The following MGLL variants were observed in gnomAD, a reference collection of about 807,000 sequenced individuals.
MGLL encodes lysophospholipase homolog.
Under a neutral mutation model 29.1 loss-of-function variants are expected in MGLL, and 7 were observed. That is an observed-to-expected ratio of 0.24 (90% CI 0.14 to 0.45). The LOEUF is 0.45. Ranked by LOEUF, MGLL falls within the 20% of genes least tolerant of loss-of-function variation. The pLI, the probability that MGLL is intolerant of heterozygous loss-of-function variation, is 0.99. For synonymous variants in MGLL, 148 were observed against 168.3 expected, an observed-to-expected ratio of 0.88 and a Z score of 0.93; for missense variants, 356 against 413.6, an observed-to-expected ratio of 0.86 and a Z score of 1.21.
At chr3:127,734,253 T>C (rs1246783737) in intron 3 of MGLL, among the ~76,000 whole-genome samples, 1 of 152,186 alleles carries the variant, frequency 6.6e-6, no homozygotes, top group Non-Finnish European at 1.5e-5. Flanking sequence ...TGGATCCAGG[T>C]GCTAACCTGG....
chr3:127,798,051 TA>T (rs1198518070), intron 2 of MGLL, among the ~76,000 whole-genome samples: 3 of 152,182 alleles, frequency 2.0e-5, no homozygotes, highest in African/African-American at 4.8e-5. Flanking sequence ...ATATATGTAT[TA>T]AAAAGTACAA....
chr3:127,715,864 G>A (rs1037473996), intron 5 of MGLL: 9 of 455,224 alleles, frequency 2.0e-5, no homozygotes, highest in Non-Finnish European at 3.1e-5. Context: ...CAAAAAGGAC[G>A]TGGAATCCAA....
At chr3:127,818,586 G>T (rs1366109020) in intron 2 of MGLL, among the ~76,000 whole-genome samples, 2 of 152,144 alleles carry the variant, frequency 1.3e-5, no homozygotes, top group African/African-American at 4.8e-5. Flanking sequence ...CCTAGGAAAT[G>T]ATGTTTACCC....
intron 2 of MGLL, among the ~76,000 whole-genome samples, chr3:127,803,371 C>T (rs988966105): frequency 2.0e-5 from 3 of 152,186 alleles, no homozygotes; most frequent in Admixed American, 2.0e-4. Context: ...CCTGAAGGAA[C>T]AAGCAGTGGG....
intron 2 of MGLL, among the ~76,000 whole-genome samples, chr3:127,801,612 G>A (rs143957266): frequency 0.018 from 2,780 of 151,744 alleles, 84 homozygotes; most frequent in African/African-American, 0.063. Context: ...ACAAAACTCC[G>A]TCTCAAAAAT....
chr3:127,781,496 G>A (rs1010265568), intron 3 of MGLL, among the ~76,000 whole-genome samples: 1 of 152,208 alleles, frequency 6.6e-6, no homozygotes, highest in Non-Finnish European at 1.5e-5. Context: ...TTGAGAGAAA[G>A]CACTTTATAA....
intron 3 of MGLL, among the ~76,000 whole-genome samples, chr3:127,731,505 C>T (rs2076149334): frequency 1.3e-5 from 2 of 152,028 alleles, no homozygotes; most frequent in African/African-American, 4.8e-5. Context: ...AAAGACAGTC[C>T]CACCCCATCA....
intron 3 of MGLL, among the ~76,000 whole-genome samples, chr3:127,728,641 T>C (rs2076091020): frequency 6.6e-6 from 1 of 152,250 alleles, no homozygotes; most frequent in East Asian, 1.9e-4. Context: ...AACACTTGGA[T>C]TGTATCCAAG....
intron 7 of MGLL, 145 bp from the exon 8 acceptor site, chr3:127,692,468 T>C (rs2075266686): frequency 2.1e-6 from 2 of 941,954 alleles, no homozygotes; most frequent in East Asian, 2.6e-5. Context: ...CTCCCATTAT[T>C]AGGAGGCCAA....
intron 3 of MGLL, among the ~76,000 whole-genome samples, chr3:127,725,786 C>G (rs1054464044): frequency 3.3e-5 from 5 of 152,092 alleles, no homozygotes; most frequent in Admixed American, 3.3e-4. Context: ...AAATTGCAGG[C>G]TGGGCAAGGT....
Position 127,821,691 on chromosome 3 carries a change from T to C in MGLL, c.155+3A>G. ...CTGGGGTGACTTTCTGGGGAAGACT[T>C]ACTTGGGTGTGCCTGTGGGTTTCCA... On this transcript the variant is annotated splice_donor_region_variant and intron_variant, in intron 2 of 7. Transcript: ENST00000265052. 6.2e-7 allele frequency: 1 copy of C among 1,614,078 alleles called. No individual in the cohort carries two copies. Among genetic ancestry groups the C allele is most frequent in the Non-Finnish European group, 8.5e-7 (1 of 1,179,972 alleles).
chr3:127,812,569 A>G (rs753516983), intron 2 of MGLL, among the ~76,000 whole-genome samples: 4 of 152,228 alleles, frequency 2.6e-5, no homozygotes, highest in Non-Finnish European at 5.9e-5. Flanking sequence ...TTGCTTTCAT[A>G]CTGGGTCCTC....
At chr3:127,822,011 GA>G (rs2077870319) in intron 1 of MGLL, 173 bp from the exon 2 acceptor site, 4 of 739,704 alleles carry the variant, frequency 5.4e-6, no homozygotes, top group Non-Finnish European at 8.5e-6. Context: ...CTCCAAGACT[GA>G]AAAATCCCAT....
intron 3 of MGLL, among the ~76,000 whole-genome samples, chr3:127,731,908 AC>A (rs1318571516): frequency 1.3e-5 from 2 of 152,170 alleles, no homozygotes; most frequent in African/African-American, 4.8e-5. Flanking sequence ...CTCTTAAAAC[AC>A]CCCAGCACTG....
Position 127,710,637 on chromosome 3 carries a change from A to C in MGLL, c.539T>G (p.Val180Gly). The change falls in exon 6 of 8, where the codon GTG becomes GGG. Residue 180 changes from valine (V) to glycine (G), a missense_variant. Coordinates refer to ENST00000265052, the MANE Select transcript of MGLL (RefSeq NM_007283.7). ...GGGCCCGAGGGACAAGTTTGGCAGC[A>C]CAAGGTTGAGCACTTTCGCAGCAAG... ...KVLAAKVLNLVLPNLSLGPID... is the reference protein window; with the variant it reads ...KVLAAKVLNLGLPNLSLGPID... 6.4e-7 allele frequency: 1 copy of C among 1,574,008 alleles called. No individual in the cohort carries two copies. Among genetic ancestry groups the C allele is most frequent in the Non-Finnish European group, 8.6e-7 (1 of 1,158,814 alleles).
chr3:127,764,489 T>C (rs959073119), intron 3 of MGLL, among the ~76,000 whole-genome samples: 4 of 152,100 alleles, frequency 2.6e-5, no homozygotes, highest in Non-Finnish European at 5.9e-5. Flanking sequence ...CGGGCCACAG[T>C]TGTGCTCTGC....
chr3:127,729,683 A>G (rs2076113037), intron 3 of MGLL, among the ~76,000 whole-genome samples: 1 of 152,148 alleles, frequency 6.6e-6, no homozygotes, highest in Non-Finnish European at 1.5e-5. Flanking sequence ...CATGTGTTAA[A>G]GTTCCCTTTT....
At chr3:127,763,978 C>T (rs1386892381) in intron 3 of MGLL, among the ~76,000 whole-genome samples, 1 of 152,180 alleles carries the variant, frequency 6.6e-6, no homozygotes, top group Non-Finnish European at 1.5e-5. Context: ...TCCACCTCCA[C>T]CCTCCTCCCT....
chr3:127,731,345 A>G (rs2076146608), intron 3 of MGLL, among the ~76,000 whole-genome samples: 1 of 41,446 alleles, frequency 2.4e-5, no homozygotes, highest in African/African-American at 1.3e-4. Flanking sequence ...TATTATTATT[A>G]TTATTATTAT....
Sources: allele counts gnomAD v4.1 joint callset (sites outside exome capture counted in the v4.1 genomes callset), GRCh38; gene constraint gnomAD v4.1.1; transcripts MANE v1.5; gene names NCBI Gene and HGNC (gene_info 2026-07-23, HGNC 2026-07-21).